The following EPHB1 variants were observed in gnomAD, a reference collection of about 807,000 sequenced individuals.
The protein encoded by EPHB1 is ephrin type-B receptor 1.
EPHB1 carries 30 observed loss-of-function variants against 94.4 expected under a neutral mutation model. The ratio of observed to expected loss-of-function variants is 0.32; its 90% CI spans 0.24 to 0.43. The LOEUF is 0.43. EPHB1 is among the 20% of genes least tolerant of loss of function. EPHB1 has a pLI of 1.00. For missense variants in EPHB1, 1,055 were observed against 1,308.3 expected, an observed-to-expected ratio of 0.81 and a Z score of 2.99; for synonymous variants, 522 against 489.1, an observed-to-expected ratio of 1.07 and a Z score of -0.89.
intron 12 of EPHB1, among the ~76,000 whole-genome samples, chr3:135,215,979 A>G (rs1943140916): frequency 6.6e-6 from 1 of 152,246 alleles, no homozygotes; most frequent in Admixed American, 6.5e-5. Flanking sequence ...TAAATCTGAC[A>G]CCAAATCCCC....
intron 5 of EPHB1, among the ~76,000 whole-genome samples, chr3:135,139,104 G>T (rs1394557623): frequency 6.6e-6 from 1 of 152,222 alleles, no homozygotes; most frequent in African/African-American, 2.4e-5. Context: ...ATATTTGCCA[G>T]ATGGCTTCAG....
At chr3:134,876,822 T>C (rs1184376135) in intron 1 of EPHB1, among the ~76,000 whole-genome samples, 2 of 152,174 alleles carry the variant, frequency 1.3e-5, no homozygotes, top group Non-Finnish European at 2.9e-5. Context: ...AGAAAGGGGC[T>C]GTCAATCCAG....
At chr3:135,248,267 G>GCCACCA in intron 13 of EPHB1, 49 bp from the exon 14 acceptor site, 1 of 1,477,500 alleles carries the variant, frequency 6.8e-7, no homozygotes, top group Middle Eastern at 2.1e-4. Flanking sequence ...GTGAGTGACT[G>GCCACCA]GCTGGTGGCA....
chr3:135,076,664 C>T (rs1576365485), intron 3 of EPHB1, among the ~76,000 whole-genome samples: 1 of 152,152 alleles, frequency 6.6e-6, no homozygotes, highest in Non-Finnish European at 1.5e-5. Flanking sequence ...CAGCATTATT[C>T]ATAATAGCCA....
chr3:135,183,020 CTTT>C (rs749456969), intron 10 of EPHB1, among the ~76,000 whole-genome samples: 1 of 61,998 alleles, frequency 1.6e-5, no homozygotes, highest in African/African-American at 6.1e-5. Context: ...CTTTTCTTTT[CTTT>C]TCTTTTCTTT....
intron 1 of EPHB1, among the ~76,000 whole-genome samples, chr3:134,857,911 G>T (rs1163460200): frequency 6.6e-6 from 1 of 151,858 alleles, no homozygotes; most frequent in Non-Finnish European, 1.5e-5. Flanking sequence ...GCAACACATT[G>T]GCATCTTGGT....
chr3:134,899,797 C>T (rs1455351391), intron 1 of EPHB1, among the ~76,000 whole-genome samples: 1 of 152,186 alleles, frequency 6.6e-6, no homozygotes, highest in African/African-American at 2.4e-5. Flanking sequence ...GCTTCAGCCT[C>T]CCAAATATCT....
At chr3:134,848,661 G>T (rs756162079) in intron 1 of EPHB1, among the ~76,000 whole-genome samples, 1 of 152,200 alleles carries the variant, frequency 6.6e-6, no homozygotes, top group African/African-American at 2.4e-5. Context: ...TAGAGACTTT[G>T]CGGGAGCCGT....
chr3:134,843,868 C>G (rs1285559456), intron 1 of EPHB1, among the ~76,000 whole-genome samples: 5 of 152,110 alleles, frequency 3.3e-5, no homozygotes, highest in Non-Finnish European at 7.3e-5. Context: ...AAGTTTTTGT[C>G]TGCTGTATCT....
intron 3 of EPHB1, among the ~76,000 whole-genome samples, chr3:135,052,975 ATATATATGTGTG>A (rs1937224611): frequency 8.8e-6 from 1 of 113,216 alleles, no homozygotes. Context: ...ATATATGTGT[ATATATATGTGTG>A]TGTATATATA....
chr3:135,022,303 G>C (rs1244255051), intron 3 of EPHB1, among the ~76,000 whole-genome samples: 2 of 152,166 alleles, frequency 1.3e-5, no homozygotes, highest in Non-Finnish European at 2.9e-5. Context: ...CTTGTTTAAT[G>C]CTTACATCTG....
intron 1 of EPHB1, among the ~76,000 whole-genome samples, chr3:134,880,461 A>G (rs1332713618): frequency 6.6e-6 from 1 of 152,172 alleles, no homozygotes; most frequent in Non-Finnish European, 1.5e-5. Flanking sequence ...TCCTTTGTCC[A>G]TTCCTCTTGT....
At chr3:135,056,521 C>A (rs910337738) in intron 3 of EPHB1, among the ~76,000 whole-genome samples, 4 of 152,242 alleles carry the variant, frequency 2.6e-5, no homozygotes, top group South Asian at 2.1e-4. Flanking sequence ...CTAGAAGGGC[C>A]AGCACTGGCA....
chr3:134,837,010 G>A lies in EPHB1; in HGVS notation c.58+41321G>A, dbSNP rs559727254. ...GACTTGGATGACATTTTAAAATTAT[G>A]CATCAGCAAATATCCATCTCTTAAC... is the stretch of plus-strand genomic sequence containing the variant. On this transcript the variant is annotated intron_variant, in intron 1 of 15. Transcript: ENST00000398015. 4.6e-5 allele frequency among the ~76,000 whole-genome samples: 7 copies of A among 152,264 alleles called. No individual in the cohort carries two copies. The East Asian group carries it at 9.7e-4, about 21-fold the overall frequency.
intron 3 of EPHB1, among the ~76,000 whole-genome samples, chr3:135,067,264 C>CA (rs2107779886): frequency 6.6e-6 from 1 of 152,238 alleles, no homozygotes; most frequent in Admixed American, 6.5e-5. Context: ...CCCAAGAGTA[C>CA]ATGCCCTTTG....
At chr3:134,814,399 C>A (rs1303383500) in intron 1 of EPHB1, among the ~76,000 whole-genome samples, 2 of 151,962 alleles carry the variant, frequency 1.3e-5, no homozygotes, top group Non-Finnish European at 2.9e-5. Flanking sequence ...AGAAAAGGTA[C>A]CTGAAATAGC....
chr3:134,968,361 G>A (rs1289998621), intron 3 of EPHB1, among the ~76,000 whole-genome samples: 1 of 152,298 alleles, frequency 6.6e-6, no homozygotes, highest in East Asian at 1.9e-4. Flanking sequence ...TGGGAAGAAT[G>A]TAGAAAATTT....
intron 1 of EPHB1, among the ~76,000 whole-genome samples, chr3:134,818,653 AGT>A (rs2036317363): frequency 6.6e-6 from 1 of 152,218 alleles, no homozygotes; most frequent in Non-Finnish European, 1.5e-5. Flanking sequence ...TTAGAATAAT[AGT>A]CTCCAGTCTC....
chr3:135,097,154 A>ATTTT (rs199615193), intron 3 of EPHB1, among the ~76,000 whole-genome samples: 1 of 130,768 alleles, frequency 7.6e-6, no homozygotes, highest in Non-Finnish European at 1.6e-5. Context: ...TCAACGTATG[A>ATTTT]TTTTTTTTTC....
Sources: gnomAD v4.1 joint callset for allele counts (sites outside exome capture counted in the v4.1 genomes callset) on GRCh38, gnomAD v4.1.1 for gene constraint, MANE v1.5 for transcripts, NCBI Gene and HGNC (gene_info 2026-07-23, HGNC 2026-07-21) for gene names.